Variants in PTPRS observed in about 807,000 individuals in gnomAD.
PTPRS encodes receptor-type tyrosine-protein phosphatase S.
A neutral mutation model predicts 215.3 loss-of-function variants in PTPRS; 63 were observed. That is an observed-to-expected ratio of 0.29 (90% confidence interval 0.24 to 0.36). The LOEUF (loss-of-function observed/expected upper bound fraction) is 0.36, where lower values mean the gene tolerates loss of function less well. Ranked by LOEUF, PTPRS falls within the 10% of genes least tolerant of loss-of-function variation. The probability of loss-of-function intolerance (pLI) is 1.00; values close to 1 mark genes in which losing one functional copy is unlikely to be tolerated. For missense variants in PTPRS, 2,258 were observed against 2,825.8 expected (o/e 0.80, Z 4.56); for synonymous variants, 1,404 against 1,191.4 (o/e 1.18, Z -3.68).
chr19:5,223,552 C>T (rs1259556539), intron 17 of PTPRS, among the ~76,000 whole-genome samples: 2 of 118,902 alleles, frequency 1.7e-5, no homozygotes, highest in East Asian at 2.6e-4. Flanking sequence ...CACCCAGCTG[C>T]GGTTGTGATT....
At chr19:5,256,061 T>C (rs1225687412) in intron 9 of PTPRS, 47 bp downstream of exon 9, 4 of 1,488,370 alleles carry the variant, frequency 2.7e-6, no homozygotes, top group East Asian at 4.6e-5. Flanking sequence ...ATTTTCAGAA[T>C]GTAAAAATGT....
At chr19:5,256,576 T>C (rs971150726) in intron 8 of PTPRS, among the ~76,000 whole-genome samples, 2 of 152,052 alleles carry the variant, frequency 1.3e-5, no homozygotes, top group Non-Finnish European at 2.9e-5. Flanking sequence ...CCACACTCTT[T>C]TGAGCCCTGC....
chr19:5,222,777 G>C lies in PTPRS; in HGVS notation c.3015C>G (p.Ala1005=), dbSNP rs760805131. The C allele has an allele frequency of 1.9e-6, 3 of 1,598,710 alleles. No individual in the cohort carries two copies. The highest frequency in any genetic ancestry group is 1.3e-5 in the African/African-American group (1 of 74,766). ...LTLQGLKPDT[A]YDLQVRAHTR... The stretch of plus-strand genomic sequence containing the variant: ...TGTGGGCTCGCACTTGGAGGTCATA[G>C]GCCGTGTCGGGCTTCAGGCCCTGCA... Residue 1005 remains alanine, a synonymous_variant, in exon 18 of 38, where the codon GCC becomes GCG. Coordinates refer to ENST00000262963, the MANE Select transcript of PTPRS (RefSeq NM_002850.4).
At chr19:5,277,630 T>C (rs1599889338) in intron 2 of PTPRS, 1 of 386,480 alleles carries the variant, frequency 2.6e-6, no homozygotes, top group East Asian at 6.3e-5. Flanking sequence ...CACTCCAGCC[T>C]GGGCGACAGA....
In PTPRS at chr19:5,223,006, C is replaced by G. The variant is rs1313647555; in HGVS notation, c.2786G>C (p.Arg929Pro). The G allele has an allele frequency of 6.5e-7, 1 of 1,541,856 alleles. No homozygotes were observed. Among genetic ancestry groups the G allele is most frequent in the Admixed American group, 2.0e-5 (1 of 51,032 alleles). The part of the protein sequence containing the change: ...EVLSIPEDTP[R>P]GHPQILEAAG... ...CGCCTCCAGAATCTGCGGGTGGCCA[C>G]GGGGCGTGTCCTCCGGGATGCTCAG... The change falls in exon 18 of 38, where the codon CGT (arginine) becomes CCT (proline). Residue 929 changes from arginine (R) to proline (P), a missense_variant. Transcript: ENST00000262963.
intron 18 of PTPRS, 34 bp from the exon 19 acceptor site, chr19:5,222,254 G>A (rs1284938016): frequency 2.6e-6 from 4 of 1,565,718 alleles, no homozygotes; most frequent in Admixed American, 1.7e-5. Context: ...GGAGAGAGCA[G>A]AAGAGAGGCC....
At chr19:5,267,449 G>C (rs537436036) in intron 4 of PTPRS, among the ~76,000 whole-genome samples, 1 of 152,104 alleles carries the variant, frequency 6.6e-6, no homozygotes, top group African/African-American at 2.4e-5. Context: ...CTGAGGTCAG[G>C]AGTTCGAGAC....
rs965967897 is a variant in PTPRS, at chr19:5,314,853, G to T, written c.-95+25811C>A. On this transcript the variant is annotated intron_variant, in intron 1 of 37. Transcript: ENST00000262963. Reference sequence around the variant, plus strand: ...TCAGGGGCTTAGATCAGGGGCTTCAGATGAACCTCAAACCTCTGACCCTTG... The same window carrying T: ...TCAGGGGCTTAGATCAGGGGCTTCATATGAACCTCAAACCTCTGACCCTTG... Among the ~76,000 whole-genome samples, 8 of 152,298 alleles carry T rather than the reference G, an allele frequency of 5.3e-5. 1 individual carries two copies. The highest frequency in any genetic ancestry group is 5.2e-4 in the Admixed American group (8 of 15,278).
intron 9 of PTPRS, among the ~76,000 whole-genome samples, chr19:5,248,401 AT>A (rs2044702203): frequency 6.7e-6 from 1 of 149,472 alleles, no homozygotes. Context: ...AAAAAAAAAA[AT>A]CATGGAATGG....
chr19:5,277,620 C>T (rs1363083589), intron 2 of PTPRS: 3 of 368,950 alleles, frequency 8.1e-6, no homozygotes, highest in Non-Finnish European at 1.5e-5. Context: ...CGCGCCACCG[C>T]ACTCCAGCCT....
chr19:5,222,288 G>T, intron 18 of PTPRS, 68 bp from the exon 19 acceptor site: 1 of 1,364,100 alleles, frequency 7.3e-7, no homozygotes, highest in Non-Finnish European at 1.0e-6. Flanking sequence ...GCACTGGGTG[G>T]CGTGAAGCGG....
intron 1 of PTPRS, among the ~76,000 whole-genome samples, chr19:5,332,911 G>C (rs1414269017): frequency 6.6e-6 from 1 of 152,240 alleles, no homozygotes; most frequent in African/African-American, 2.4e-5. Context: ...CACTTTGGGA[G>C]GCCAAGGCAG....
At chr19:5,225,696 TTGG>T (rs1230927357) in intron 17 of PTPRS, 28 bp downstream of exon 17, 1 of 1,577,720 alleles carries the variant, frequency 6.3e-7, no homozygotes, top group South Asian at 1.1e-5. Context: ...AAAGGGGCTG[TTGG>T]TGGGTGGGAG....
At chr19:5,313,332 G>C (rs1264905308) in intron 1 of PTPRS, among the ~76,000 whole-genome samples, 1 of 152,236 alleles carries the variant, frequency 6.6e-6, no homozygotes, top group Non-Finnish European at 1.5e-5. Context: ...AGCAGAGACA[G>C]GGGTGTACCC....
At position 5,228,345 on chromosome 19, in the gene PTPRS, GAGAA is replaced by G. The variant is rs1483244798; in HGVS notation, c.2376+967_2376+970del. On this transcript the variant is annotated intron_variant, in intron 16 of 37. Transcript: ENST00000262963. The stretch of plus-strand genomic sequence containing the variant: ...GGGCGATAGTGTGAGACTCCGTCTG[GAGAA>G]AAAAAAAAAAAAAAGAGACAGGGTC... Among the ~76,000 whole-genome samples, 18 of 33,266 alleles carry G rather than the reference GAGAA, an allele frequency of 5.4e-4. 2 individuals are homozygous for G. The highest frequency in any genetic ancestry group is 1.6e-3 in the African/African-American group (17 of 10,514). 21.8% of individuals were successfully genotyped at this position (33,266 alleles called of 152,430 possible).
intron 2 of PTPRS, among the ~76,000 whole-genome samples, chr19:5,275,414 A>C (rs1334478177): frequency 1.3e-5 from 2 of 148,242 alleles, no homozygotes; most frequent in Admixed American, 1.3e-4. Context: ...AGAGATAGGG[A>C]TTCACTCTGT....
rs527728900 is a variant in PTPRS, at chr19:5,208,479, T to G, written c.5488-88A>C. On this transcript the variant is annotated intron_variant, in intron 35 of 37. Coordinates refer to ENST00000262963, the MANE Select transcript of PTPRS (RefSeq NM_002850.4). The stretch of plus-strand genomic sequence containing the variant: ...TCCTCCCTATCTTCACCCCCATTTT[T>G]TGTTTGTTTGTTTGTTTTTGAGATG... 8.1e-6 allele frequency: 10 copies of G among 1,235,690 alleles called. 1 individual carries two copies. The East Asian group carries it at 2.7e-4, about 34-fold the overall frequency. The allele number at this position is 1,235,690 out of a possible 1,614,324, so 76.5% of individuals were successfully genotyped here. A position where few individuals can be genotyped will look rare whatever the true frequency, so the allele number is the denominator to read the frequency against.
intron 22 of PTPRS, 90 bp from the exon 23 acceptor site, chr19:5,219,557 C>A: frequency 7.0e-7 from 1 of 1,427,290 alleles, no homozygotes; most frequent in Non-Finnish European, 9.3e-7. Context: ...TACGTTTCTC[C>A]CCCGCTCTAG....
In PTPRS at chr19:5,237,406, C is replaced by T; in HGVS notation, c.1849+1513G>A. On this transcript the variant is annotated intron_variant, in intron 13 of 37. Transcript: ENST00000262963. The surrounding 1 kb of genome is among the most constrained non-coding windows in gnomAD (Gnocchi z 4.2). ...CTCCCCAACTCCCTGTCCTGGGCCG[C>T]CCCGGAGGTTCGCGTGGCTGGGCCG... is the stretch of plus-strand genomic sequence containing the variant. Among the ~76,000 whole-genome samples the T allele has an allele frequency of 6.6e-6, 1 of 152,366 alleles. No homozygotes were observed. Among genetic ancestry groups the T allele is most frequent in the East Asian group, 1.9e-4 (1 of 5,178 alleles).
Sources: gnomAD v4.1 joint callset for allele counts (sites outside exome capture counted in the v4.1 genomes callset) on GRCh38, gnomAD v4.1.1 for gene constraint, Gnocchi (gnomAD v3.1) non-coding constraint, MANE v1.5 for transcripts, NCBI Gene and HGNC (gene_info 2026-07-23, HGNC 2026-07-21) for gene names.